The following EFCAB12 variants were observed in gnomAD, a reference collection of about 807,000 sequenced individuals.
EFCAB12 encodes EF-hand calcium-binding domain-containing protein 12.
A neutral mutation model predicts 53.6 loss-of-function variants in EFCAB12; 43 were observed. The ratio of observed to expected loss-of-function variants is 0.80; its 90% CI spans 0.63 to 1.03. The LOEUF (loss-of-function observed/expected upper bound fraction) is 1.03, where lower values mean the gene tolerates loss of function less well. Among genes scored for constraint, EFCAB12 ranks in the 50% least tolerant of loss-of-function variants. The probability of loss-of-function intolerance (pLI) is 0.00; values close to 1 mark genes in which losing one functional copy is unlikely to be tolerated. For synonymous variants in EFCAB12, 269 were observed against 289.2 expected (o/e 0.93, Z 0.71); for missense variants, 646 against 730.6 (o/e 0.88, Z 1.34).
At chr3:129,401,983 TC>T in intron 8 of EFCAB12, 132 bp from the exon 9 acceptor site, 1 of 1,262,086 alleles carries the variant, frequency 7.9e-7, no homozygotes, top group Non-Finnish European at 1.1e-6. Flanking sequence ...ACCTCAGTCC[TC>T]CCCACAGTTC....
At chr3:129,405,639 G>C (rs2071940030) in intron 6 of EFCAB12, among the ~76,000 whole-genome samples, 2 of 152,206 alleles carry the variant, frequency 1.3e-5, no homozygotes, top group African/African-American at 4.8e-5. Flanking sequence ...ATTCACAGGG[G>C]AGGGGGAGAC....
At chr3:129,412,548 T>A (rs2072059565) in intron 4 of EFCAB12, 1 of 151,870 alleles carries the variant, frequency 6.6e-6, no homozygotes, top group South Asian at 2.1e-4. Context: ...AAACCCAGAG[T>A]CCTCTCCCTG....
chr3:129,416,459 T>A (rs915414368), intron 3 of EFCAB12, among the ~76,000 whole-genome samples: 3 of 151,334 alleles, frequency 2.0e-5, no homozygotes, highest in African/African-American at 7.4e-5. Flanking sequence ...AAAAATGAAC[T>A]CTCCTGGTGC....
intron 2 of EFCAB12, 161 bp from the exon 3 acceptor site, chr3:129,418,609 A>G (rs2072151861): frequency 7.6e-6 from 4 of 523,840 alleles, no homozygotes; most frequent in Non-Finnish European, 1.2e-5. Flanking sequence ...TTTGGCCACA[A>G]AATGCCTGGG....
intron 1 of EFCAB12, among the ~76,000 whole-genome samples, chr3:129,427,883 T>C (rs1431148365): frequency 1.3e-5 from 2 of 152,202 alleles, no homozygotes; most frequent in African/African-American, 4.8e-5. Context: ...TGCTGTTTCC[T>C]TGCCCGAAAT....
intron 5 of EFCAB12, among the ~76,000 whole-genome samples, chr3:129,410,058 G>A (rs956233541): frequency 1.2e-4 from 18 of 151,718 alleles, no homozygotes; most frequent in Admixed American, 3.3e-4. Flanking sequence ...GCCTGGGCTG[G>A]GGTGTACTGT....
In EFCAB12 at chr3:129,418,280, C is replaced by A; in HGVS notation, c.655G>T (p.Glu219Ter). ...GQGENQRITR[E>*]EFIAAVKAVG... Reference sequence around the variant, plus strand: ...GCCTTTACAGCCGCGATGAACTCCTCCCTGGTGATTCTCTGGTTCTCACCC... The same window carrying A: ...GCCTTTACAGCCGCGATGAACTCCTACCTGGTGATTCTCTGGTTCTCACCC... The change falls in exon 3 of 9, where the codon GAG becomes TAG. Residue 219 changes from glutamate to a stop codon, truncating the protein, a stop_gained. Transcript: ENST00000505956. LOFTEE classifies it high-confidence loss of function. The A allele has an allele frequency of 6.2e-7, 1 of 1,612,660 alleles. No individual in the cohort carries two copies. The highest frequency in any genetic ancestry group is 8.5e-7 in the Non-Finnish European group (1 of 1,179,096).
rs534444092 is a variant in EFCAB12, at chr3:129,414,963, C to T, written c.838+282G>A. On this transcript the variant is annotated intron_variant, in intron 4 of 8. Coordinates refer to ENST00000505956, the MANE Select transcript of EFCAB12 (RefSeq NM_207307.3). ...CTTGCCATTTGGGTCAGTTCTCAGC[C>T]TCTCAGGTGGGCTCTGGTGGGCTGA... 4 of 286,270 alleles carry T rather than the reference C, an allele frequency of 1.4e-5. No homozygotes were observed. The South Asian group carries it at 3.0e-4, about 22-fold the overall frequency. 17.7% of individuals were successfully genotyped at this position (286,270 alleles called of 1,614,324 possible).
At position 129,421,456 on chromosome 3, in the gene EFCAB12, T is replaced by C; in HGVS notation, c.397A>G (p.Thr133Ala). The C allele has an allele frequency of 6.2e-7, 1 of 1,614,058 alleles. No homozygotes were observed. The highest frequency in any genetic ancestry group is 8.5e-7 in the Non-Finnish European group (1 of 1,179,902). ...KRWLENKPSI[T>A]PSEAKVLHMI... Reference sequence around the variant, plus strand: ...TGTAAGACCTTGGCCTCTGAAGGCGTGATGCTGGGCTTGTTCTCCAGCCAC... The same window carrying C: ...TGTAAGACCTTGGCCTCTGAAGGCGCGATGCTGGGCTTGTTCTCCAGCCAC... The change falls in exon 2 of 9, where the codon ACG becomes GCG. Residue 133 changes from threonine to alanine, a missense_variant. Thr to Ala is a moderately conservative substitution (Grantham distance 58). Coordinates refer to ENST00000505956, the MANE Select transcript of EFCAB12 (RefSeq NM_207307.3).
chr3:129,416,353 G>T (rs1056343950), intron 3 of EFCAB12, among the ~76,000 whole-genome samples: 2 of 152,098 alleles, frequency 1.3e-5, no homozygotes, highest in African/African-American at 4.8e-5. Flanking sequence ...GGAGAGGGAG[G>T]TTGCAGTGAC....
intron 5 of EFCAB12, among the ~76,000 whole-genome samples, chr3:129,410,318 ATT>A (rs11321465): frequency 4.0e-4 from 57 of 144,076 alleles, no homozygotes; most frequent in Middle Eastern, 3.6e-3. Flanking sequence ...CCTGTATATA[ATT>A]TTTTTTTTTT....
rs755969961 is a variant in EFCAB12 at position 129,401,610 on chromosome 3, C to A, written c.1702G>T (p.Val568Leu). The A allele has an allele frequency of 1.9e-6, 3 of 1,559,292 alleles. No homozygotes were observed. The change falls in exon 9 of 9, where the codon GTG becomes TTG. Residue 568 changes from valine to leucine, a missense_variant. Coordinates refer to ENST00000505956, the MANE Select transcript of EFCAB12 (RefSeq NM_207307.3). ...GGCTAGCTCTAGTTGATGTAGTACA[C>A]CTTGGCGGCATCATAATGGGCGTGG... ...MTHAHYDAAK[V>L]YYIN
In EFCAB12 at chr3:129,421,803, C is replaced by T. The variant is rs1237831746; in HGVS notation, c.50G>A (p.Gly17Glu). 6.2e-7 allele frequency: 1 copy of T among 1,609,430 alleles called. No homozygotes were observed. Among genetic ancestry groups the T allele is most frequent in the Non-Finnish European group, 8.5e-7 (1 of 1,177,310 alleles). ...AYHSLFLSLL[G>E]LCPSKTPINE... ...GATGGGAGTCTTAGACGGGCAGAGT[C>T]CTTGGGGTAAGAGAGTTAAAAGATG... is the stretch of plus-strand genomic sequence containing the variant. The change falls in exon 2 of 9, where the codon GGA becomes GAA. Residue 17 changes from glycine to glutamate, a missense_variant and splice_region_variant. Transcript: ENST00000505956.
At chr3:129,423,587 G>C (rs143273943) in intron 1 of EFCAB12, among the ~76,000 whole-genome samples, 1 of 152,060 alleles carries the variant, frequency 6.6e-6, no homozygotes, top group Non-Finnish European at 1.5e-5. Flanking sequence ...GAGATTACCC[G>C]CATTGTAATC....
Position 129,418,397 on chromosome 3 carries a change from G to A in EFCAB12, c.538C>T (p.Gln180Ter), listed in dbSNP as rs2072147635. 3.1e-6 allele frequency: 5 copies of A among 1,613,410 alleles called. No individual in the cohort carries two copies. The highest frequency in any genetic ancestry group is 3.4e-6 in the Non-Finnish European group (4 of 1,179,630). Residue 180 changes from glutamine (Q) to a stop codon, truncating the protein, a stop_gained, in exon 3 of 9, where the codon CAG (glutamine) becomes TAG (stop). Coordinates refer to ENST00000505956, the MANE Select transcript of EFCAB12 (RefSeq NM_207307.3). LOFTEE classifies it high-confidence loss of function. ...GACAGGGCAGGGGGCTCGGGCAGCTGGAGCTGGGGCACCATCTGGCGGGAC... is the reference window on the plus strand; with the variant it reads ...GACAGGGCAGGGGGCTCGGGCAGCTAGAGCTGGGGCACCATCTGGCGGGAC... ...RLSRQMVPQL[Q>*]LPEPPALSVM...
chr3:129,421,297 C>CCCT, intron 2 of EFCAB12, 70 bp downstream of exon 2: 1 of 1,464,542 alleles, frequency 6.8e-7, no homozygotes, highest in Non-Finnish European at 9.1e-7. Flanking sequence ...TCCAGCCTAA[C>CCCT]CCAAGGGAAT....
At chr3:129,404,722 A>G (rs746412275) in intron 6 of EFCAB12, among the ~76,000 whole-genome samples, 4 of 152,026 alleles carry the variant, frequency 2.6e-5, no homozygotes, top group Non-Finnish European at 5.9e-5. Context: ...AACAAGGACA[A>G]CAAAGCCCCC....
Position 129,401,347 on chromosome 3 carries a change from T to G in EFCAB12, c.*246A>C. ...GAAATGAGAAAAACTCCAACCTGCT[T>G]TATGTAGAAAGGGCAGAGGTCAGGG... On this transcript the variant is annotated 3_prime_UTR_variant, in exon 9 of 9. Coordinates refer to ENST00000505956, the MANE Select transcript of EFCAB12 (RefSeq NM_207307.3). The G allele has an allele frequency of 9.4e-6, 4 of 426,332 alleles. No individual in the cohort carries two copies. The highest frequency in any genetic ancestry group is 1.2e-5 in the Non-Finnish European group (3 of 246,022). The allele number at this position is 426,332 out of a possible 1,614,324, so 26.4% of individuals were successfully genotyped here.
intron 5 of EFCAB12, 106 bp downstream of exon 5, chr3:129,411,052 C>G: frequency 7.8e-7 from 1 of 1,274,800 alleles, no homozygotes; most frequent in Non-Finnish European, 1.1e-6. Flanking sequence ...AGGCGAAGAC[C>G]CCCCTCCCCA....
Sources: allele counts gnomAD v4.1 joint callset (sites outside exome capture counted in the v4.1 genomes callset), GRCh38; gene constraint gnomAD v4.1.1; transcripts MANE v1.5; gene names NCBI Gene and HGNC (gene_info 2026-07-23, HGNC 2026-07-21).